The following AGMO variants were observed in gnomAD, a reference collection of about 807,000 sequenced individuals.
AGMO encodes alkylglycerol monooxygenase.
In AGMO, 75 loss-of-function variants were observed where a neutral mutation model predicts 60.2. The observed-to-expected ratio is 1.25, with a 90% CI of 1.03 to 1.51. The LOEUF is 1.51. AGMO is among the 40% of genes most tolerant of loss of function. The probability of loss-of-function intolerance (pLI) is 0.00; values close to 1 mark genes in which losing one functional copy is unlikely to be tolerated. For synonymous variants in AGMO, 261 were observed against 177.1 expected (o/e 1.47, Z -3.76); for missense variants, 763 against 525.5 (o/e 1.45, Z -4.42).
intron 12 of AGMO, among the ~76,000 whole-genome samples, chr7:15,273,190 G>A (rs1046278910): frequency 6.6e-6 from 1 of 152,156 alleles, no homozygotes; most frequent in Non-Finnish European, 1.5e-5. Flanking sequence ...TTTTAGGCAT[G>A]AAGTCCTTGC....
At chr7:15,346,583 GCCT>G (rs1412545676) in intron 12 of AGMO, among the ~76,000 whole-genome samples, 39 of 148,424 alleles carry the variant, frequency 2.6e-4, no homozygotes, top group South Asian at 2.1e-3. Context: ...TATATTTCAA[GCCT>G]CCTAATTTTT....
the AGMO span, among the ~76,000 whole-genome samples, chr7:15,188,281 C>G: frequency 6.6e-6 from 1 of 152,220 alleles, no homozygotes; most frequent in South Asian, 2.1e-4. Flanking sequence ...AAGTCTCACT[C>G]AGTTTTCTCA....
chr7:15,527,531 A>C (rs1196992669), intron 3 of AGMO, among the ~76,000 whole-genome samples: 1 of 152,212 alleles, frequency 6.6e-6, no homozygotes, highest in African/African-American at 2.4e-5. Flanking sequence ...TCTTCATAAA[A>C]TAAAAGCACA....
rs534496151 is a variant in AGMO, at chr7:15,551,829, C to T, written c.258-6906G>A. On this transcript the variant is annotated intron_variant, in intron 2 of 12. Transcript: ENST00000342526. ...ATTGGAAAAAAACTACTTTAAAGTT[C>T]ATATGGAATCAAAAAAGAGCCCGCA... Among the ~76,000 whole-genome samples the T allele has an allele frequency of 2.2e-3, 329 of 152,170 alleles. 1 individual carries two copies. The highest frequency in any genetic ancestry group is 7.7e-3 in the African/African-American group (320 of 41,466).
chr7:15,229,919 T>C (rs530009817), intron 12 of AGMO, among the ~76,000 whole-genome samples: 3 of 151,676 alleles, frequency 2.0e-5, no homozygotes, highest in East Asian at 3.9e-4. Context: ...TACTTTGTGA[T>C]TGTGCCTCCG....
At chr7:15,234,733 G>A (rs1439508905) in intron 12 of AGMO, among the ~76,000 whole-genome samples, 1 of 152,078 alleles carries the variant, frequency 6.6e-6, no homozygotes, top group Non-Finnish European at 1.5e-5. Flanking sequence ...TAAACAAAGA[G>A]GAGTTGCTAT....
At chr7:15,241,454 C>T (rs1225143398) in intron 12 of AGMO, among the ~76,000 whole-genome samples, 1 of 90,200 alleles carries the variant, frequency 1.1e-5, no homozygotes, top group African/African-American at 4.6e-5. Context: ...AGTGAGACTC[C>T]GTCTCAAAAA....
chr7:15,491,430 A>C (rs1783062531), intron 3 of AGMO, among the ~76,000 whole-genome samples: 1 of 152,194 alleles, frequency 6.6e-6, no homozygotes, highest in Non-Finnish European at 1.5e-5. Flanking sequence ...TGAGATTGGA[A>C]ATAAGTAAGT....
intron 12 of AGMO, among the ~76,000 whole-genome samples, chr7:15,263,209 C>A (rs767803261): frequency 6.6e-6 from 1 of 151,846 alleles, no homozygotes; most frequent in Non-Finnish European, 1.5e-5. Flanking sequence ...CCAGAATCTA[C>A]AGAGATGTCA....
rs1463841455 is a variant in AGMO at position 15,287,382 on chromosome 7, T to C, written c.1263+78132A>G. On this transcript the variant is annotated intron_variant, in intron 12 of 12. Transcript: ENST00000342526. Reference sequence around the variant, plus strand: ...ACTCCTATTTTCTTTGCCACCGATATGTCCTCCTCACCACGCAGAGAAACA... The same window carrying C: ...ACTCCTATTTTCTTTGCCACCGATACGTCCTCCTCACCACGCAGAGAAACA... 2.0e-5 allele frequency among the ~76,000 whole-genome samples: 3 copies of C among 152,336 alleles called. No individual in the cohort carries two copies. In the East Asian group the frequency reaches 5.8e-4, roughly 29 times the overall value.
chr7:15,268,742 G>A (rs1783508632), intron 12 of AGMO, among the ~76,000 whole-genome samples: 1 of 151,970 alleles, frequency 6.6e-6, no homozygotes, highest in African/African-American at 2.4e-5. Flanking sequence ...CTGCAAAGGT[G>A]GGGGAATATA....
chr7:15,475,225 A>C (rs1225463579), intron 3 of AGMO, among the ~76,000 whole-genome samples: 1 of 152,210 alleles, frequency 6.6e-6, no homozygotes, highest in Non-Finnish European at 1.5e-5. Context: ...TCATTCTACT[A>C]TAAATACACA....
intron 3 of AGMO, among the ~76,000 whole-genome samples, chr7:15,512,340 C>T (rs1049440134): frequency 6.6e-6 from 1 of 152,134 alleles, no homozygotes; most frequent in Non-Finnish European, 1.5e-5. Flanking sequence ...CAACCTCCAC[C>T]TCCCAGGGCT....
chr7:15,385,085 G>GT (rs1783860669), intron 10 of AGMO, among the ~76,000 whole-genome samples: 1 of 152,080 alleles, frequency 6.6e-6, no homozygotes, highest in Non-Finnish European at 1.5e-5. Context: ...TCTAAGTGAA[G>GT]GTAAGTATGT....
chr7:15,266,277 A>T (rs1783429407), intron 12 of AGMO, among the ~76,000 whole-genome samples: 1 of 152,088 alleles, frequency 6.6e-6, no homozygotes, highest in African/African-American at 2.4e-5. Flanking sequence ...CAAGATGAAA[A>T]GAGTTCTGGA....
chr7:15,353,071 G>A (rs1782317597), intron 12 of AGMO, among the ~76,000 whole-genome samples: 1 of 152,084 alleles, frequency 6.6e-6, no homozygotes, highest in Non-Finnish European at 1.5e-5. Flanking sequence ...TCAAATGTAG[G>A]ACAGGTGATT....
At chr7:15,408,529 T>C (rs1419701850) in intron 5 of AGMO, among the ~76,000 whole-genome samples, 2 of 151,850 alleles carry the variant, frequency 1.3e-5, no homozygotes, top group Non-Finnish European at 1.5e-5. Context: ...CAGTGTATAA[T>C]GACTGTTTTA....
At chr7:15,143,053 C>A in the AGMO span, among the ~76,000 whole-genome samples, 1 of 152,222 alleles carries the variant, frequency 6.6e-6, no homozygotes, top group East Asian at 1.9e-4. Context: ...AATTATATTG[C>A]CTTTGTTTAT....
At chr7:15,391,644 C>A (rs10270169) in intron 6 of AGMO, among the ~76,000 whole-genome samples, 1 of 151,902 alleles carries the variant, frequency 6.6e-6, no homozygotes, top group South Asian at 2.1e-4. Flanking sequence ...TGCATGCAAC[C>A]ACACATTTGA....
Sources: gnomAD v4.1 joint callset for allele counts (sites outside exome capture counted in the v4.1 genomes callset) on GRCh38, gnomAD v4.1.1 for gene constraint, MANE v1.5 for transcripts, NCBI Gene and HGNC (gene_info 2026-07-23, HGNC 2026-07-21) for gene names.